CPNE8: variants seen among roughly 807,000 people sequenced by gnomAD.
The protein encoded by CPNE8 is copine-8.
CPNE8 carries 45 observed loss-of-function variants against 81.5 expected under a neutral mutation model. The ratio of observed to expected loss-of-function variants is 0.55; its 90% confidence interval spans 0.44 to 0.71. The LOEUF (loss-of-function observed/expected upper bound fraction) is 0.71. Ranked by LOEUF, CPNE8 falls within the 30% of genes least tolerant of loss-of-function variation. CPNE8 has a pLI of 0.00. For missense variants in CPNE8, 594 were observed against 672.1 expected, an observed-to-expected ratio of 0.88 and a Z score of 1.28; for synonymous variants, 252 against 226.3, an observed-to-expected ratio of 1.11 and a Z score of -1.02.
chr12:38,799,682 G>A (rs1421802844), intron 6 of CPNE8, among the ~76,000 whole-genome samples: 2 of 151,898 alleles, frequency 1.3e-5, no homozygotes. Flanking sequence ...AACAGCTCCG[G>A]TCTACAGCTC....
chr12:38,762,801 T>G (rs1349205889), intron 8 of CPNE8, among the ~76,000 whole-genome samples: 1 of 152,188 alleles, frequency 6.6e-6, no homozygotes, highest in African/African-American at 2.4e-5. Context: ...AAGGAAAAGA[T>G]CTGGCAGAAA....
chr12:38,887,085 A>C (rs1944247563), intron 1 of CPNE8, among the ~76,000 whole-genome samples: 1 of 152,198 alleles, frequency 6.6e-6, no homozygotes, highest in South Asian at 2.1e-4. Context: ...GCAGAGTTAC[A>C]TACAGGGTTA....
chr12:38,667,944 C>A (rs1326767535), intron 19 of CPNE8, among the ~76,000 whole-genome samples: 1 of 152,174 alleles, frequency 6.6e-6, no homozygotes, highest in African/African-American at 2.4e-5. Context: ...ATTACAGGCG[C>A]CCGCCACCAC....
chr12:38,875,785 T>G (rs1439196726), intron 1 of CPNE8, among the ~76,000 whole-genome samples: 3 of 152,238 alleles, frequency 2.0e-5, no homozygotes, highest in African/African-American at 7.2e-5. Context: ...TAAATCAGAT[T>G]AGAAGACCAC....
At chr12:38,886,365 A>G (rs1296719415) in intron 1 of CPNE8, among the ~76,000 whole-genome samples, 3 of 152,238 alleles carry the variant, frequency 2.0e-5, no homozygotes, top group Admixed American at 1.3e-4. Context: ...TAAAGTGCTT[A>G]GAGCAAACCC....
intron 10 of CPNE8, among the ~76,000 whole-genome samples, chr12:38,730,973 G>T (rs1386157183): frequency 2.0e-5 from 3 of 151,810 alleles, no homozygotes; most frequent in African/African-American, 4.8e-5. Flanking sequence ...GTGAGGAGGG[G>T]TAAGGATTGA....
intron 6 of CPNE8, among the ~76,000 whole-genome samples, chr12:38,814,395 C>T (rs1942989799): frequency 7.3e-6 from 1 of 136,184 alleles, no homozygotes; most frequent in Non-Finnish European, 1.5e-5. Context: ...TGGCTCACTG[C>T]AACCTCCACC....
chr12:38,801,299 A>G (rs1226959718), intron 6 of CPNE8, among the ~76,000 whole-genome samples: 2 of 29,568 alleles, frequency 6.8e-5, no homozygotes, highest in Admixed American at 3.7e-4. Context: ...TCAGACTAAC[A>G]GCGGATCTCT....
chr12:38,808,744 A>G (rs937299855), intron 6 of CPNE8, among the ~76,000 whole-genome samples: 4 of 151,468 alleles, frequency 2.6e-5, no homozygotes, highest in African/African-American at 9.7e-5. Flanking sequence ...CCTAAAACTT[A>G]AAGTATAATA....
At chr12:38,807,972 C>A (rs1942852037) in intron 6 of CPNE8, among the ~76,000 whole-genome samples, 1 of 151,980 alleles carries the variant, frequency 6.6e-6, no homozygotes, top group Non-Finnish European at 1.5e-5. Flanking sequence ...CAAAAGAAGA[C>A]ATTTATGCAG....
At chr12:38,679,514 G>C (rs1239420581) in intron 16 of CPNE8, 1 of 804,628 alleles carries the variant, frequency 1.2e-6, no homozygotes, top group East Asian at 1.3e-4. Context: ...GCTGTAGAAA[G>C]TTGCATGAGT....
rs184365456 is a variant in CPNE8, at chr12:38,700,303, A to G, written c.961+2572T>C. 3.5e-3 allele frequency among the ~76,000 whole-genome samples: 488 copies of G among 138,644 alleles called. 2 individuals carry two copies. The highest frequency in any genetic ancestry group is 5.5e-3 in the Non-Finnish European group (363 of 65,878). 91.0% of individuals were successfully genotyped at this position (138,644 alleles called of 152,430 possible). On this transcript the variant is annotated intron_variant, in intron 14 of 19. Transcript: ENST00000331366. Reference sequence around the variant, plus strand: ...ACCCAAGCTGGAGTGCAACGGCATGATCTCGGCTCACTGCAACATCCGCCT... The same window carrying G: ...ACCCAAGCTGGAGTGCAACGGCATGGTCTCGGCTCACTGCAACATCCGCCT...
chr12:38,735,657 C>G (rs924932290), intron 10 of CPNE8, among the ~76,000 whole-genome samples: 9 of 151,884 alleles, frequency 5.9e-5, no homozygotes, highest in Admixed American at 4.6e-4. Context: ...CACAATCAAG[C>G]CTTTTTTTTC....
intron 3 of CPNE8, among the ~76,000 whole-genome samples, chr12:38,851,755 T>G (rs1331344595): frequency 6.6e-6 from 1 of 152,198 alleles, no homozygotes; most frequent in African/African-American, 2.4e-5. Context: ...GCCAAAAAAT[T>G]TTAATGGCTT....
intron 6 of CPNE8, among the ~76,000 whole-genome samples, chr12:38,807,370 A>T (rs534625299): frequency 0.01 from 1,539 of 150,474 alleles, 28 homozygotes; most frequent in African/African-American, 0.034. Flanking sequence ...GGCTACAGTC[A>T]CCAAAACAGC....
rs541535356 is a variant in CPNE8 at position 38,874,857 on chromosome 12, T to G, written c.99-346A>C. ...ATCCTTCATTAAGAATATAAAGGTG[T>G]TCAGAAATGCTTCCTGAATTGAATT... On this transcript the variant is annotated intron_variant, in intron 1 of 19. Transcript: ENST00000331366. Among the ~76,000 whole-genome samples, 3 of 152,332 alleles carry G rather than the reference T, an allele frequency of 2.0e-5. No homozygotes were observed. The South Asian group carries it at 6.2e-4, about 32-fold the overall frequency.
intron 6 of CPNE8, among the ~76,000 whole-genome samples, chr12:38,798,486 G>A (rs915681498): frequency 2.8e-4 from 43 of 152,098 alleles, no homozygotes; most frequent in Non-Finnish European, 5.1e-4. Context: ...ATACTTTACA[G>A]ACAAGCAAAT....
chr12:38,679,829 T>A (rs1380859412), intron 16 of CPNE8: 1 of 354,532 alleles, frequency 2.8e-6, no homozygotes, highest in Non-Finnish European at 3.9e-6. Context: ...ATATTTAAGA[T>A]AAAATAATTA....
chr12:38,906,707 C>T, upstream of CPNE8: 2 of 625,426 alleles, frequency 3.2e-6, no homozygotes, highest in Non-Finnish European at 4.0e-6. Flanking sequence ...GACGAGGCGC[C>T]CCTCCACTGC....
Sources: gnomAD v4.1 joint callset for allele counts (sites outside exome capture counted in the v4.1 genomes callset) on GRCh38, gnomAD v4.1.1 for gene constraint, MANE v1.5 for transcripts, NCBI Gene and HGNC (gene_info 2026-07-23, HGNC 2026-07-21) for gene names.